The following ELF2 variants were observed in gnomAD, a reference collection of about 807,000 sequenced individuals.
ELF2 encodes the protein ETS-related transcription factor Elf-2.
In ELF2, 11 loss-of-function variants were observed where a neutral mutation model predicts 54.8. The ratio of observed to expected loss-of-function variants is 0.20; its 90% CI spans 0.13 to 0.33. The LOEUF (loss-of-function observed/expected upper bound fraction) is 0.33. Among genes scored for constraint, ELF2 ranks in the 10% least tolerant of loss-of-function variants. The probability of loss-of-function intolerance (pLI) is 1.00; values close to 1 mark genes in which losing one functional copy is unlikely to be tolerated. For synonymous variants in ELF2, 203 were observed against 245.1 expected, an observed-to-expected ratio of 0.83 and a Z score of 1.61; for missense variants, 513 against 703.0, an observed-to-expected ratio of 0.73 and a Z score of 3.06.
At chr4:139,096,375 G>A (rs1413398779) in intron 4 of ELF2, among the ~76,000 whole-genome samples, 5 of 152,004 alleles carry the variant, frequency 3.3e-5, no homozygotes, top group African/African-American at 1.2e-4. Context: ...TTATTTAAAT[G>A]TGTATATAAG....
At chr4:139,132,055 A>G (rs1578881477) in intron 3 of ELF2, among the ~76,000 whole-genome samples, 1 of 152,294 alleles carries the variant, frequency 6.6e-6, no homozygotes, top group African/African-American at 2.4e-5. Flanking sequence ...TCAAATTATT[A>G]ACCTGGTGAA....
At chr4:139,111,491 CTTTT>C (rs759267275) in intron 4 of ELF2, among the ~76,000 whole-genome samples, 3 of 136,298 alleles carry the variant, frequency 2.2e-5, no homozygotes. Flanking sequence ...CCATACCAAC[CTTTT>C]TTTTTTTTTT....
chr4:139,081,348 T>C (rs1409629590), intron 4 of ELF2, among the ~76,000 whole-genome samples: 1 of 152,146 alleles, frequency 6.6e-6, no homozygotes, highest in Non-Finnish European at 1.5e-5. Context: ...AAAGCAAAAG[T>C]ATATTCGAGC....
intron 1 of ELF2, among the ~76,000 whole-genome samples, chr4:139,141,038 C>CT (rs1417658366): frequency 6.6e-6 from 1 of 152,144 alleles, no homozygotes; most frequent in Admixed American, 6.5e-5. Context: ...CTGTTAATCA[C>CT]TCCCTTCTTG....
chr4:139,059,031 G>A lies in ELF2; in HGVS notation c.1734C>T (p.Ala578=). ...VVVVSAPSAI[A]LPVTMKTEGL... ...CTTCTGTTTTCATAGTTACAGGAAG[G>A]GCAATAGCTGAAGGCGCACTGACAA... The change falls in exon 10 of 10, where the codon GCC becomes GCT. Residue 578 remains alanine, a synonymous_variant. Transcript: ENST00000686138. 1 of 1,613,790 alleles carries A rather than the reference G, an allele frequency of 6.2e-7. No individual in the cohort carries two copies. Among genetic ancestry groups the A allele is most frequent in the Non-Finnish European group, 8.5e-7 (1 of 1,179,782 alleles).
At chr4:139,103,190 T>C (rs1374793134) in intron 4 of ELF2, among the ~76,000 whole-genome samples, 5 of 152,234 alleles carry the variant, frequency 3.3e-5, no homozygotes, top group Non-Finnish European at 7.3e-5. Flanking sequence ...TTGTGAAATA[T>C]GTGTGAAATA....
At position 139,137,680 on chromosome 4, in the gene ELF2, T is replaced by G; in HGVS notation, c.22A>C (p.Ser8Arg). ...GAAAGCTCCAAAATAGTACCTCCAC[T>G]GTCAACCACTGCTGATGTCATTGTT... Reference protein sequence around the residue: MTSAVVDSGGTILELSSN... With the variant: MTSAVVDRGGTILELSSN... The change falls in exon 3 of 10, where the codon AGT becomes CGT. Residue 8 changes from serine to arginine, a missense_variant. By Grantham distance (110) the Ser-to-Arg change is moderately radical (BLOSUM62 -1). Transcript: ENST00000686138. 1 of 1,614,090 alleles carries G rather than the reference T, an allele frequency of 6.2e-7. No individual in the cohort carries two copies. The highest frequency in any genetic ancestry group is 8.5e-7 in the Non-Finnish European group (1 of 1,180,006).
chr4:139,113,182 A>C (rs1735158875), intron 4 of ELF2, among the ~76,000 whole-genome samples: 1 of 151,898 alleles, frequency 6.6e-6, no homozygotes, highest in African/African-American at 2.4e-5. Flanking sequence ...ACATACTGAG[A>C]TCTTGTCTCT....
chr4:139,135,839 T>G (rs1318514242), intron 3 of ELF2, among the ~76,000 whole-genome samples: 2 of 152,160 alleles, frequency 1.3e-5, no homozygotes, highest in Admixed American at 1.3e-4. Flanking sequence ...AATAATTTGG[T>G]AAAGTCATTT....
At chr4:139,092,997 G>A (rs1200752913) in intron 4 of ELF2, among the ~76,000 whole-genome samples, 2 of 141,312 alleles carry the variant, frequency 1.4e-5, no homozygotes, top group Admixed American at 1.5e-4. Context: ...AAAGAGTCTC[G>A]CTCTGTCGCC....
At chr4:139,064,302 G>A (rs977611492) in intron 7 of ELF2, among the ~76,000 whole-genome samples, 7 of 152,166 alleles carry the variant, frequency 4.6e-5, no homozygotes, top group Non-Finnish European at 8.8e-5. Context: ...GCGACAGAAC[G>A]AGACTCCGTC....
chr4:139,131,550 G>A (rs1737490280), intron 3 of ELF2, among the ~76,000 whole-genome samples: 1 of 152,178 alleles, frequency 6.6e-6, no homozygotes, highest in African/African-American at 2.4e-5. Flanking sequence ...AAATTCAGGA[G>A]TATGTGAAAA....
intron 4 of ELF2, among the ~76,000 whole-genome samples, chr4:139,081,383 G>T (rs1731091700): frequency 6.6e-6 from 1 of 152,120 alleles, no homozygotes; most frequent in Non-Finnish European, 1.5e-5. Context: ...AACATGTAGC[G>T]ACAGTGATAA....
intron 5 of ELF2, 107 bp from the exon 6 acceptor site, chr4:139,072,146 C>A (rs1376723480): frequency 1.8e-6 from 2 of 1,110,700 alleles, no homozygotes; most frequent in Non-Finnish European, 2.6e-6. Context: ...TTAATCAAAG[C>A]AGGATAAGAG....
intron 3 of ELF2, among the ~76,000 whole-genome samples, chr4:139,127,080 T>C (rs1300088003): frequency 1.3e-5 from 2 of 152,162 alleles, no homozygotes; most frequent in Non-Finnish European, 2.9e-5. Flanking sequence ...TCCAGATCAG[T>C]CTGTTCTAGA....
intron 4 of ELF2, among the ~76,000 whole-genome samples, chr4:139,089,753 A>G (rs1732384484): frequency 6.6e-6 from 1 of 152,220 alleles, no homozygotes; most frequent in Non-Finnish European, 1.5e-5. Flanking sequence ...CATTTTATTC[A>G]TCACATTATC....
intron 1 of ELF2, among the ~76,000 whole-genome samples, chr4:139,146,480 T>C (rs1433880903): frequency 6.6e-6 from 1 of 152,118 alleles, no homozygotes; most frequent in African/African-American, 2.4e-5. Flanking sequence ...AATACAAATC[T>C]GATCAAAACA....
chr4:139,087,090 C>T (rs772391766), intron 4 of ELF2, among the ~76,000 whole-genome samples: 2 of 152,166 alleles, frequency 1.3e-5, no homozygotes, highest in Non-Finnish European at 2.9e-5. Flanking sequence ...TTGATACATA[C>T]TTAGCTTAGG....
rs190042557 is a variant in ELF2 at position 139,110,207 on chromosome 4, T to G, written c.238+14957A>C. ...ATCACAATAACAAGATTAAGACTCT[T>G]AAAGTGGCAAAATAAGATAAAGCTG... On this transcript the variant is annotated intron_variant, in intron 4 of 9. Coordinates refer to ENST00000686138, the MANE Select transcript of ELF2 (RefSeq NM_001331036.3). 2.8e-4 allele frequency among the ~76,000 whole-genome samples: 42 copies of G among 152,254 alleles called. 1 individual carries two copies. Among genetic ancestry groups the G allele is most frequent in the Non-Finnish European group, 5.9e-4 (40 of 68,002 alleles).
Sources: allele counts gnomAD v4.1 joint callset (sites outside exome capture counted in the v4.1 genomes callset), GRCh38; gene constraint gnomAD v4.1.1; transcripts MANE v1.5; gene names NCBI Gene and HGNC (gene_info 2026-07-23, HGNC 2026-07-21).